BANF2: variants seen among roughly 807,000 people sequenced by gnomAD.
BANF2 encodes BANF family member 2.
In BANF2, 4 loss-of-function variants were observed where a neutral mutation model predicts 8.0. The observed-to-expected ratio is 0.50, with a 90% CI of 0.25 to 1.14. The LOEUF is 1.14. Among genes scored for constraint, BANF2 ranks in the 50% most tolerant of loss-of-function variants. The pLI, the probability that BANF2 is intolerant of heterozygous loss-of-function variation, is 0.16. For missense variants in BANF2, 96 were observed against 107.5 expected (o/e 0.89, Z 0.47); for synonymous variants, 50 against 40.6 (o/e 1.23, Z -0.88).
intron 2 of BANF2, among the ~76,000 whole-genome samples, chr20:17,724,597 A>G (rs2037777117): frequency 6.6e-6 from 1 of 152,248 alleles, no homozygotes; most frequent in African/African-American, 2.4e-5. Context: ...AGTTTACACT[A>G]TTATACAGTG....
chr20:17,716,734 G>A (rs1331190341), intron 1 of BANF2, among the ~76,000 whole-genome samples: 4 of 151,008 alleles, frequency 2.6e-5, no homozygotes, highest in Non-Finnish European at 3.0e-5. Flanking sequence ...CCAGCTACTC[G>A]GGAGGCTGAG....
At chr20:17,710,678 T>A (rs78129025) in intron 1 of BANF2, among the ~76,000 whole-genome samples, 1,620 of 152,338 alleles carry the variant, frequency 0.011, 34 homozygotes, top group African/African-American at 0.037. Flanking sequence ...AGGTGACTTC[T>A]GAGTGACAAG....
intron 1 of BANF2, among the ~76,000 whole-genome samples, chr20:17,710,272 C>T (rs534568743): frequency 6.6e-6 from 1 of 152,302 alleles, no homozygotes; most frequent in East Asian, 1.9e-4. Context: ...CTAAAACTGT[C>T]CTTGTTGTTC....
At chr20:17,733,022 GA>G (rs1351813183) in intron 3 of BANF2, among the ~76,000 whole-genome samples, 2 of 152,176 alleles carry the variant, frequency 1.3e-5, no homozygotes, top group Admixed American at 6.5e-5. Context: ...AGACAGGAGG[GA>G]AAACTGAGGA....
chr20:17,698,902 C>G (rs1056686843), upstream of BANF2, among the ~76,000 whole-genome samples: 13 of 152,208 alleles, frequency 8.5e-5, no homozygotes, highest in Non-Finnish European at 5.9e-5. Context: ...TGAATACTGC[C>G]ATCAGCTGGC....
At chr20:17,713,811 G>A (rs2037611184) in intron 1 of BANF2, among the ~76,000 whole-genome samples, 1 of 151,518 alleles carries the variant, frequency 6.6e-6, no homozygotes. Flanking sequence ...CTCCAGCCTG[G>A]GTGACAGACT....
rs1253539893 is a variant in BANF2, at chr20:17,724,957, G to A, written c.-3-66G>A. 2.0e-6 allele frequency: 3 copies of A among 1,483,848 alleles called. No individual in the cohort carries two copies. In the East Asian group the frequency reaches 6.9e-5, roughly 34 times the overall value. 91.9% of individuals were successfully genotyped at this position (1,483,848 alleles called of 1,614,324 possible). A position where few individuals can be genotyped will look rare whatever the true frequency, so the allele number is the denominator to read the frequency against. Reference sequence around the variant, plus strand: ...CTTGGTGGGCTGAGGGAGTTCCCCAGTGTCCATGCACACTGGGAGAAGTCA... The same window carrying A: ...CTTGGTGGGCTGAGGGAGTTCCCCAATGTCCATGCACACTGGGAGAAGTCA... On this transcript the variant is annotated intron_variant, in intron 2 of 3. Transcript: ENST00000246090.
intron 1 of BANF2, among the ~76,000 whole-genome samples, chr20:17,721,768 A>G (rs2122625334): frequency 6.6e-6 from 1 of 152,224 alleles, no homozygotes; most frequent in East Asian, 1.9e-4. Flanking sequence ...TTGACTGATA[A>G]GATCCTGGGT....
chr20:17,732,925 C>T (rs901982998), intron 3 of BANF2, among the ~76,000 whole-genome samples: 31 of 152,190 alleles, frequency 2.0e-4, no homozygotes, highest in African/African-American at 7.2e-4. Context: ...GAGCCCACGA[C>T]TCCAGCTTCC....
chr20:17,710,180 C>T (rs2037548239), intron 1 of BANF2, among the ~76,000 whole-genome samples: 1 of 152,220 alleles, frequency 6.6e-6, no homozygotes, highest in South Asian at 2.1e-4. Flanking sequence ...TCGTCCCCAG[C>T]CCTGTCCACT....
At chr20:17,710,587 CG>C (rs1187239627) in intron 1 of BANF2, among the ~76,000 whole-genome samples, 3 of 152,136 alleles carry the variant, frequency 2.0e-5, no homozygotes, top group African/African-American at 7.2e-5. Flanking sequence ...TTTCTAGTCC[CG>C]GGGTGAGCCC....
intron 3 of BANF2, among the ~76,000 whole-genome samples, chr20:17,734,980 G>A (rs2037955286): frequency 6.6e-6 from 1 of 152,166 alleles, no homozygotes. Flanking sequence ...CCAGCTACTT[G>A]GAAAGCTGAG....
At chr20:17,723,409 G>A (rs148153956) in intron 2 of BANF2, among the ~76,000 whole-genome samples, 2 of 152,342 alleles carry the variant, frequency 1.3e-5, no homozygotes, top group East Asian at 3.9e-4. Flanking sequence ...GCTGAAGATT[G>A]AGCCCATTCA....
At chr20:17,695,601 GGT>G (rs71192402), upstream of BANF2, among the ~76,000 whole-genome samples, 101 of 149,828 alleles carry the variant, frequency 6.7e-4, no homozygotes, top group Admixed American at 1.6e-3. Context: ...AAAAACCTAG[GGT>G]GTGTGTGTGT....
intron 3 of BANF2, among the ~76,000 whole-genome samples, chr20:17,734,408 C>T (rs927581617): frequency 6.6e-6 from 1 of 152,162 alleles, no homozygotes; most frequent in Non-Finnish European, 1.5e-5. Flanking sequence ...AATGCCTTCC[C>T]ATTTAATTCA....
chr20:17,710,945 CG>C (rs1295962824), intron 1 of BANF2, among the ~76,000 whole-genome samples: 2 of 63,080 alleles, frequency 3.2e-5, no homozygotes, highest in Non-Finnish European at 6.4e-5. Context: ...GGGGCGGGGG[CG>C]GGGGCGCCGC....
At chr20:17,707,637 T>A (rs1435294649) in intron 1 of BANF2, among the ~76,000 whole-genome samples, 2 of 151,984 alleles carry the variant, frequency 1.3e-5, no homozygotes, top group Non-Finnish European at 2.9e-5. Context: ...TGGAGTGCAA[T>A]GGCACGATCT....
intron 1 of BANF2, among the ~76,000 whole-genome samples, chr20:17,719,184 G>C (rs562141737): frequency 6.6e-4 from 101 of 152,270 alleles, no homozygotes; most frequent in Middle Eastern, 3.4e-3. Flanking sequence ...GAGTGCAATG[G>C]CTTGATCTCG....
intron 1 of BANF2, among the ~76,000 whole-genome samples, chr20:17,708,045 T>TAA (rs137884134): frequency 8.5e-5 from 5 of 58,562 alleles, no homozygotes; most frequent in Admixed American, 2.3e-4. Context: ...CTACTAAAAA[T>TAA]CAAAAAAAAA....
Sources: gnomAD v4.1 joint callset for allele counts (sites outside exome capture counted in the v4.1 genomes callset) on GRCh38, gnomAD v4.1.1 for gene constraint, MANE v1.5 for transcripts, NCBI Gene and HGNC (gene_info 2026-07-23, HGNC 2026-07-21) for gene names.